PPFIBP1: variants seen among roughly 807,000 people sequenced by gnomAD.
PPFIBP1 encodes the protein liprin-beta-1.
A neutral mutation model predicts 137.8 loss-of-function variants in PPFIBP1; 112 were observed. That is an observed-to-expected ratio of 0.81 (90% CI 0.70 to 0.95). The LOEUF is 0.95. Among genes scored for constraint, PPFIBP1 ranks in the 40% least tolerant of loss-of-function variants. PPFIBP1 has a pLI of 0.00. For missense variants in PPFIBP1, 1,083 were observed against 1,196.6 expected (o/e 0.91, Z 1.40); for synonymous variants, 378 against 417.3 (o/e 0.91, Z 1.15).
intron 2 of PPFIBP1, among the ~76,000 whole-genome samples, chr12:27,590,545 G>T (rs553715644): frequency 6.6e-6 from 1 of 152,258 alleles, no homozygotes; most frequent in Admixed American, 6.5e-5. Flanking sequence ...ACAGTCTACA[G>T]GTAAAATGGA....
intron 24 of PPFIBP1, among the ~76,000 whole-genome samples, chr12:27,683,278 T>C (rs1004927716): frequency 6.6e-6 from 1 of 152,194 alleles, no homozygotes; most frequent in Admixed American, 6.5e-5. Context: ...GTTGGCCAGC[T>C]GGTCTCAAAC....
In PPFIBP1 at chr12:27,683,458, A is replaced by G. The variant is rs142789765; in HGVS notation, c.2247+755A>G. Among the ~76,000 whole-genome samples, 70 of 152,348 alleles carry G rather than the reference A, an allele frequency of 4.6e-4. No individual in the cohort carries two copies. The East Asian group carries it at 0.012, about 27-fold the overall frequency. On this transcript the variant is annotated intron_variant, in intron 24 of 29. Coordinates refer to ENST00000228425, the MANE Select transcript of PPFIBP1 (RefSeq NM_003622.4). ...GTGCAATGACCATTTGGAAGAGGCC[A>G]CCCTTTTGACCTGACATCTTCAAGG...
intron 27 of PPFIBP1, among the ~76,000 whole-genome samples, chr12:27,691,074 C>G (rs980771481): frequency 6.7e-6 from 1 of 149,672 alleles, no homozygotes; most frequent in African/African-American, 2.5e-5. Flanking sequence ...AGTTTCTCTT[C>G]TAAGTATCAC....
At chr12:27,593,476 C>T in intron 2 of PPFIBP1, 1 of 446,970 alleles carries the variant, frequency 2.2e-6, no homozygotes, top group South Asian at 1.6e-5. Context: ...TGGTGGCTTG[C>T]ACTTGGGCAG....
Position 27,634,991 on chromosome 12 carries a change from T to C in PPFIBP1, c.146T>C (p.Leu49Pro). 1 of 1,614,158 alleles carries C rather than the reference T, an allele frequency of 6.2e-7. No individual in the cohort carries two copies. Among genetic ancestry groups the C allele is most frequent in the Non-Finnish European group, 8.5e-7 (1 of 1,179,982 alleles). The change falls in exon 4 of 30, where the codon CTG (leucine) becomes CCG (proline). Residue 49 changes from leucine (L) to proline (P), a missense_variant. Physicochemically the swap from Leu to Pro is moderately conservative, Grantham distance 98. Coordinates refer to ENST00000228425, the MANE Select transcript of PPFIBP1 (RefSeq NM_003622.4). Reference sequence around the variant, plus strand: ...CCATTCATGGGAAGTTTGCGAGCTCTGCACCTTGTGGAAGACCTGCGTGGA... The same window carrying C: ...CCATTCATGGGAAGTTTGCGAGCTCCGCACCTTGTGGAAGACCTGCGTGGA... ...TSPFMGSLRA[L>P]HLVEDLRGLL...
chr12:27,675,901 T>C (rs1390274918), intron 17 of PPFIBP1, among the ~76,000 whole-genome samples: 3 of 152,220 alleles, frequency 2.0e-5, no homozygotes, highest in Non-Finnish European at 4.4e-5. Flanking sequence ...TTGAGGAGAA[T>C]ATTTAAAATA....
rs368626075 is a variant in PPFIBP1, at chr12:27,578,000, A to G, written c.-123-152A>G. 3.9e-4 allele frequency among the ~76,000 whole-genome samples: 60 copies of G among 152,312 alleles called. 1 individual carries two copies. The highest frequency in any genetic ancestry group is 1.2e-3 in the African/African-American group (51 of 41,562). On this transcript the variant is annotated intron_variant, in intron 1 of 29. Transcript: ENST00000228425. ...GAAGGAGGATAGGAGAGAAAGGATG[A>G]ATGGAAGGAAGTCCTTAACACGTTT...
intron 5 of PPFIBP1, among the ~76,000 whole-genome samples, chr12:27,647,149 A>G (rs541622947): frequency 6.6e-6 from 1 of 152,092 alleles, no homozygotes; most frequent in Non-Finnish European, 1.5e-5. Context: ...TTACAGGCAC[A>G]TGCCCCCACA....
chr12:27,589,134 T>C (rs889718080), intron 2 of PPFIBP1, among the ~76,000 whole-genome samples: 8 of 152,242 alleles, frequency 5.3e-5, no homozygotes. Flanking sequence ...CTGCATGCTA[T>C]ATAAGTTCTC....
At chr12:27,556,781 C>A (rs150823777) in intron 1 of PPFIBP1, among the ~76,000 whole-genome samples, 2 of 152,274 alleles carry the variant, frequency 1.3e-5, no homozygotes, top group Non-Finnish European at 2.9e-5. Flanking sequence ...CACCTGTCTG[C>A]TTTAAGCTTC....
At chr12:27,646,278 C>T (rs2058479883) in intron 5 of PPFIBP1, 130 bp downstream of exon 5, 3 of 736,692 alleles carry the variant, frequency 4.1e-6, no homozygotes, top group African/African-American at 1.7e-5. Flanking sequence ...GCCATCTGTA[C>T]ACAATAGGGA....
chr12:27,641,024 G>A (rs1376773605), intron 4 of PPFIBP1, among the ~76,000 whole-genome samples: 1 of 152,158 alleles, frequency 6.6e-6, no homozygotes, highest in East Asian at 1.9e-4. Context: ...ACAGAGTTAT[G>A]AAATCAAGAC....
chr12:27,647,603 T>C (rs1293683159), intron 5 of PPFIBP1, 126 bp from the exon 6 acceptor site: 1 of 545,130 alleles, frequency 1.8e-6, no homozygotes, highest in East Asian at 3.3e-5. Context: ...ACTTCTCAGA[T>C]TTTTTTTTCT....
intron 2 of PPFIBP1, among the ~76,000 whole-genome samples, chr12:27,609,205 C>T (rs4931189): frequency 0.15 from 22,207 of 152,160 alleles, 2,141 homozygotes; most frequent in African/African-American, 0.26. Flanking sequence ...ATCAGAACTG[C>T]ATGTCTCAGA....
intron 1 of PPFIBP1, among the ~76,000 whole-genome samples, chr12:27,531,633 A>G (rs1244052874): frequency 2.0e-5 from 3 of 152,120 alleles, no homozygotes; most frequent in African/African-American, 7.2e-5. Context: ...ATAATGGCAT[A>G]TTCAGCACAT....
chr12:27,603,048 C>A (rs1307213411), intron 2 of PPFIBP1, among the ~76,000 whole-genome samples: 2 of 152,214 alleles, frequency 1.3e-5, no homozygotes, highest in Non-Finnish European at 2.9e-5. Context: ...TGTCAAGGCT[C>A]CTACATACTT....
intron 14 of PPFIBP1, 57 bp from the exon 15 acceptor site, chr12:27,672,370 C>T: frequency 7.3e-7 from 1 of 1,377,200 alleles, no homozygotes; most frequent in Non-Finnish European, 1.0e-6. Context: ...TCACTTAGAA[C>T]ATATATGGTC....
At chr12:27,636,160 C>T (rs970214119) in intron 4 of PPFIBP1, 3 of 152,194 alleles carry the variant, frequency 2.0e-5, no homozygotes, top group Admixed American at 1.3e-4. Flanking sequence ...CCAGCCAGTC[C>T]TGTGCTGAAT....
chr12:27,660,274 A>G (rs2059459585), intron 10 of PPFIBP1, among the ~76,000 whole-genome samples: 1 of 152,236 alleles, frequency 6.6e-6, no homozygotes, highest in Non-Finnish European at 1.5e-5. Flanking sequence ...TCAAATTTTA[A>G]GGAGAATCAC....
Sources: allele counts gnomAD v4.1 joint callset (sites outside exome capture counted in the v4.1 genomes callset), GRCh38; gene constraint gnomAD v4.1.1; transcripts MANE v1.5; gene names NCBI Gene and HGNC (gene_info 2026-07-23, HGNC 2026-07-21).